Variants in ASPH observed in about 807,000 individuals in gnomAD.
ASPH encodes the protein aspartate beta-hydroxylase.
A neutral mutation model predicts 118.4 loss-of-function variants in ASPH; 100 were observed. That is an observed-to-expected ratio of 0.84 (90% CI 0.72 to 1.00). The LOEUF is 1.00. Ranked by LOEUF, ASPH falls within the 50% of genes least tolerant of loss-of-function variation. The probability of loss-of-function intolerance (pLI) is 0.00; values close to 1 mark genes in which losing one functional copy is unlikely to be tolerated. For synonymous variants in ASPH, 315 were observed against 325.6 expected (o/e 0.97, Z 0.35); for missense variants, 920 against 919.5 (o/e 1.00, Z -0.01).
At chr8:61,522,173 A>C (rs1813332345) in intron 22 of ASPH, among the ~76,000 whole-genome samples, 1 of 152,190 alleles carries the variant, frequency 6.6e-6, no homozygotes, top group African/African-American at 2.4e-5. Flanking sequence ...CATTATTTAT[A>C]TTTGCTGATT....
intron 13 of ASPH, among the ~76,000 whole-genome samples, chr8:61,626,996 T>G (rs532046311): frequency 1.3e-5 from 2 of 152,274 alleles, no homozygotes; most frequent in East Asian, 3.9e-4. Context: ...AATATTTCCT[T>G]TCTTCCTTCC....
intron 3 of ASPH, chr8:61,675,431 T>A (rs1250627339): frequency 6.1e-6 from 6 of 984,474 alleles, no homozygotes; most frequent in Non-Finnish European, 7.2e-6. Context: ...CATGCTACTA[T>A]CTGAAAACAG....
intron 1 of ASPH, among the ~76,000 whole-genome samples, chr8:61,688,249 G>C (rs1242901083): frequency 6.6e-6 from 1 of 152,156 alleles, no homozygotes; most frequent in African/African-American, 2.4e-5. Context: ...TGTTCAACCT[G>C]TAGTTCTGGG....
At chr8:61,596,661 G>A (rs1309502847) in intron 14 of ASPH, among the ~76,000 whole-genome samples, 1 of 152,126 alleles carries the variant, frequency 6.6e-6, no homozygotes. Context: ...AAATCATACT[G>A]AGACTACACT....
intron 14 of ASPH, among the ~76,000 whole-genome samples, chr8:61,610,330 A>G (rs1846924990): frequency 6.6e-6 from 1 of 152,236 alleles, no homozygotes; most frequent in Non-Finnish European, 1.5e-5. Context: ...GAAATGAAAA[A>G]TAAAAACAAA....
intron 21 of ASPH, among the ~76,000 whole-genome samples, chr8:61,527,086 G>C (rs1815650326): frequency 6.6e-6 from 1 of 152,194 alleles, no homozygotes; most frequent in African/African-American, 2.4e-5. Context: ...CATGTTAGCT[G>C]ATTTCAACAA....
At chr8:61,607,371 G>A (rs904425905) in intron 14 of ASPH, 9 of 672,106 alleles carry the variant, frequency 1.3e-5, no homozygotes, top group African/African-American at 7.2e-5. Context: ...CTCCTACTCC[G>A]TTCATCCATA....
chr8:61,675,441 G>T, intron 3 of ASPH: 1 of 984,516 alleles, frequency 1.0e-6, no homozygotes, highest in Non-Finnish European at 1.2e-6. Context: ...TCTGAAAACA[G>T]TAAGTTAACT....
At chr8:61,704,736 A>G (rs1194769467) in intron 1 of ASPH, among the ~76,000 whole-genome samples, 1 of 152,184 alleles carries the variant, frequency 6.6e-6, no homozygotes, top group Non-Finnish European at 1.5e-5. Context: ...TGACATCATT[A>G]TTCATCAGGG....
intron 1 of ASPH, among the ~76,000 whole-genome samples, chr8:61,690,432 A>T (rs1233525998): frequency 6.6e-6 from 1 of 152,136 alleles, no homozygotes; most frequent in Non-Finnish European, 1.5e-5. Flanking sequence ...AATCTTCAGG[A>T]GTAAGAATAA....
intron 14 of ASPH, among the ~76,000 whole-genome samples, chr8:61,613,799 T>C (rs142698430): frequency 6.6e-6 from 1 of 152,162 alleles, no homozygotes; most frequent in Non-Finnish European, 1.5e-5. Context: ...CACTAAGAAG[T>C]TTATTTTTTT....
At chr8:61,678,691 T>G (rs573027062) in intron 3 of ASPH, among the ~76,000 whole-genome samples, 5 of 152,136 alleles carry the variant, frequency 3.3e-5, no homozygotes, top group African/African-American at 4.8e-5. Flanking sequence ...AAGTTTAACA[T>G]ATCTTAATTA....
chr8:61,581,833 A>C (rs1837645879), intron 15 of ASPH, among the ~76,000 whole-genome samples: 1 of 152,246 alleles, frequency 6.6e-6, no homozygotes, highest in African/African-American at 2.4e-5. Flanking sequence ...ATATCATTTC[A>C]AACCCTTTTT....
chr8:61,692,750 G>C (rs941216443), intron 1 of ASPH, among the ~76,000 whole-genome samples: 1 of 152,086 alleles, frequency 6.6e-6, no homozygotes, highest in Non-Finnish European at 1.5e-5. Flanking sequence ...CTTAACCCCA[G>C]AGTTTCTGAT....
chr8:61,561,536 A>G (rs1264517155), intron 18 of ASPH, among the ~76,000 whole-genome samples: 2 of 152,240 alleles, frequency 1.3e-5, no homozygotes, highest in Admixed American at 6.5e-5. Context: ...TCATTACACA[A>G]TAATAGCAAT....
chr8:61,503,611 T>A (rs957750513), intron 24 of ASPH, 102 bp from the exon 25 acceptor site: 11 of 1,176,218 alleles, frequency 9.4e-6, no homozygotes, highest in Non-Finnish European at 1.3e-5. Context: ...GGTAACAACC[T>A]TTGGGACATA....
At chr8:61,606,609 C>A (rs902871173) in intron 14 of ASPH, 1 of 152,024 alleles carries the variant, frequency 6.6e-6, no homozygotes, top group Non-Finnish European at 1.5e-5. Flanking sequence ...CTAATTAAAT[C>A]CATTACTTTA....
At chr8:61,713,625 A>C (rs1486751486) in intron 1 of ASPH, among the ~76,000 whole-genome samples, 1 of 152,258 alleles carries the variant, frequency 6.6e-6, no homozygotes, top group Non-Finnish European at 1.5e-5. Context: ...AGAAAGGTGA[A>C]TATCCAATCG....
At position 61,603,130 on chromosome 8, in the gene ASPH, T is replaced by C. The variant is rs549528105; in HGVS notation, c.976+15848A>G. Reference sequence around the variant, plus strand: ...ATCGCTTGAGCCTGGGAGGTGGAGATTGCAGTGAGCCGAGATCGCACCACT... The same window carrying C: ...ATCGCTTGAGCCTGGGAGGTGGAGACTGCAGTGAGCCGAGATCGCACCACT... On this transcript the variant is annotated intron_variant, in intron 14 of 24. Transcript: ENST00000379454. Among the ~76,000 whole-genome samples, 14 of 137,884 alleles carry C rather than the reference T, an allele frequency of 1.0e-4. No homozygotes were observed. The East Asian group carries it at 2.7e-3, about 27-fold the overall frequency. The allele number at this position is 137,884 out of a possible 152,430, so 90.5% of individuals were successfully genotyped here.
Sources: gnomAD v4.1 joint callset for allele counts (sites outside exome capture counted in the v4.1 genomes callset) on GRCh38, gnomAD v4.1.1 for gene constraint, MANE v1.5 for transcripts, NCBI Gene and HGNC (gene_info 2026-07-23, HGNC 2026-07-21) for gene names.